Variants in SLIT1 observed in about 807,000 individuals in gnomAD.
The protein encoded by SLIT1 is slit guidance ligand 1.
In SLIT1, 66 loss-of-function variants were observed where a neutral mutation model predicts 186.1. That is an observed-to-expected ratio of 0.35 (90% CI 0.29 to 0.44). SLIT1 has a LOEUF of 0.44. Ranked by LOEUF, SLIT1 falls within the 20% of genes least tolerant of loss-of-function variation. The pLI, the probability that SLIT1 is intolerant of heterozygous loss-of-function variation, is 1.00. For synonymous variants in SLIT1, 761 were observed against 833.8 expected (o/e 0.91, Z 1.50); for missense variants, 1,638 against 2,037.4 (o/e 0.80, Z 3.77).
intron 4 of SLIT1, among the ~76,000 whole-genome samples, chr10:97,122,151 A>G (rs950756787): frequency 1.3e-5 from 2 of 152,176 alleles, no homozygotes; most frequent in African/African-American, 4.8e-5. Flanking sequence ...GGAGGCTGCT[A>G]CAGAGATAAG....
intron 4 of SLIT1, among the ~76,000 whole-genome samples, chr10:97,131,966 A>G (rs576136561): frequency 6.6e-6 from 1 of 152,104 alleles, no homozygotes; most frequent in South Asian, 2.1e-4. Context: ...CCCCAAGTCC[A>G]CTCCTTTAAC....
chr10:97,140,816 C>T (rs1047429803), intron 4 of SLIT1, among the ~76,000 whole-genome samples: 6 of 152,112 alleles, frequency 3.9e-5, no homozygotes, highest in South Asian at 2.1e-4. Context: ...ACTTCCAAAG[C>T]GATTTGTCGA....
chr10:97,165,276 G>C (rs189407329), intron 1 of SLIT1, among the ~76,000 whole-genome samples: 1 of 152,166 alleles, frequency 6.6e-6, no homozygotes, highest in Non-Finnish European at 1.5e-5. Context: ...TATAAAATGC[G>C]GACAACTGTG....
rs1466137612 is a variant in SLIT1 at position 97,063,511 on chromosome 10, G to A, written c.737C>T (p.Ala246Val). The A allele has an allele frequency of 6.2e-7, 1 of 1,613,136 alleles. No homozygotes were observed. The highest frequency in any genetic ancestry group is 1.9e-4 in the Middle Eastern group (1 of 5,398). ...IGLFTQCSGP[A>V]SLRGLNVAEV... ...TGCCACATTGAGGCCACGCAGGCTG[G>A]CTGGGCCCGAGCACTGGGTGAAGAG... Residue 246 changes from alanine to valine, a missense_variant, in exon 8 of 37, where the codon GCC becomes GTC. Coordinates refer to ENST00000266058, the MANE Select transcript of SLIT1 (RefSeq NM_003061.3).
intron 14 of SLIT1, 30 bp downstream of exon 14, chr10:97,048,925 A>G: frequency 6.3e-7 from 1 of 1,596,198 alleles, no homozygotes. Flanking sequence ...GTAGGTGGAC[A>G]GGTGGGCAGG....
chr10:97,166,663 AAG>A (rs756443817), intron 1 of SLIT1, among the ~76,000 whole-genome samples: 3,168 of 150,520 alleles, frequency 0.021, 66 homozygotes, highest in Non-Finnish European at 0.029. Context: ...AAGAAAAGAA[AAG>A]AGAAAAGAAA....
In SLIT1 at chr10:97,056,908, C is replaced by A. The variant is rs144166025; in HGVS notation, c.1157+302G>T. On this transcript the variant is annotated intron_variant, in intron 12 of 36. Transcript: ENST00000266058. Reference sequence around the variant, plus strand: ...AAGGAGGCCGAGCTGGCCTGGGTGTCCCCCCTGCAGGAGAAAGCTCTGTCC... The same window carrying A: ...AAGGAGGCCGAGCTGGCCTGGGTGTACCCCCTGCAGGAGAAAGCTCTGTCC... Among the ~76,000 whole-genome samples the A allele has an allele frequency of 2.8e-3, 419 of 152,286 alleles. 9 individuals carry two copies. The East Asian group carries it at 0.031, about 11-fold the overall frequency.
chr10:97,024,205 T>C (rs1375911417), intron 25 of SLIT1, among the ~76,000 whole-genome samples: 1 of 152,174 alleles, frequency 6.6e-6, no homozygotes, highest in East Asian at 1.9e-4. Flanking sequence ...CCTTGAGACC[T>C]GTACAACCTG....
intron 1 of SLIT1, among the ~76,000 whole-genome samples, chr10:97,174,844 C>T (rs1850236084): frequency 6.6e-6 from 1 of 152,028 alleles, no homozygotes; most frequent in South Asian, 2.1e-4. Flanking sequence ...ACCCCAGGAC[C>T]CAGCTCTTTT....
At chr10:97,029,034 T>A (rs932231680) in intron 25 of SLIT1, among the ~76,000 whole-genome samples, 1 of 152,174 alleles carries the variant, frequency 6.6e-6, no homozygotes, top group Non-Finnish European at 1.5e-5. Context: ...TCAAGACAGT[T>A]CCTGCCAATC....
At chr10:97,075,869 C>T (rs1249560318) in intron 4 of SLIT1, among the ~76,000 whole-genome samples, 1 of 152,200 alleles carries the variant, frequency 6.6e-6, no homozygotes, top group African/African-American at 2.4e-5. Flanking sequence ...GGAGCCAAAG[C>T]AAACCAGATT....
At chr10:97,070,052 G>A (rs765134400) in intron 4 of SLIT1, among the ~76,000 whole-genome samples, 16 of 152,158 alleles carry the variant, frequency 1.1e-4, no homozygotes, top group Admixed American at 2.0e-4. Flanking sequence ...GAGGCCTCTC[G>A]CCAACAGCAG....
chr10:97,093,073 C>T (rs1470410442), intron 4 of SLIT1, among the ~76,000 whole-genome samples: 1 of 152,206 alleles, frequency 6.6e-6, no homozygotes, highest in Non-Finnish European at 1.5e-5. Flanking sequence ...ACTGCCCTCC[C>T]TGGATTCACT....
At chr10:97,020,600 A>G (rs533685555) in intron 26 of SLIT1, among the ~76,000 whole-genome samples, 161 of 152,250 alleles carry the variant, frequency 1.1e-3, no homozygotes, top group African/African-American at 3.7e-3. Flanking sequence ...TTCATTTCCA[A>G]CAGTGGCCTC....
chr10:97,153,594 T>A (rs898577837), intron 4 of SLIT1: 2 of 152,172 alleles, frequency 1.3e-5, no homozygotes, highest in Non-Finnish European at 2.9e-5. Flanking sequence ...GGCACCATAG[T>A]GTTGCTGCAC....
At chr10:97,062,314 G>A (rs1275575222) in intron 8 of SLIT1, among the ~76,000 whole-genome samples, 1 of 152,206 alleles carries the variant, frequency 6.6e-6, no homozygotes, top group Non-Finnish European at 1.5e-5. Flanking sequence ...TGGAGGAGGT[G>A]ACAGCCACAG....
At chr10:97,070,307 C>T (rs1848990959) in intron 4 of SLIT1, among the ~76,000 whole-genome samples, 1 of 152,180 alleles carries the variant, frequency 6.6e-6, no homozygotes, top group Non-Finnish European at 1.5e-5. Context: ...GAGGCATGAC[C>T]CTAAGGAAGG....
At chr10:97,020,730 C>A (rs944913160) in intron 26 of SLIT1, among the ~76,000 whole-genome samples, 2 of 152,292 alleles carry the variant, frequency 1.3e-5, no homozygotes, top group African/African-American at 4.8e-5. Context: ...CTCAGCAGGG[C>A]TTCTGGGGCT....
chr10:97,011,292 A>G (rs555087173), intron 30 of SLIT1, among the ~76,000 whole-genome samples, 162 bp from the exon 31 acceptor site: 1 of 152,198 alleles, frequency 6.6e-6, no homozygotes, highest in African/African-American at 2.4e-5. Flanking sequence ...AGAGCTCTGG[A>G]TCTAAAAGGG....
Sources: allele counts gnomAD v4.1 joint callset (sites outside exome capture counted in the v4.1 genomes callset), GRCh38; gene constraint gnomAD v4.1.1; transcripts MANE v1.5; gene names NCBI Gene and HGNC (gene_info 2026-07-23, HGNC 2026-07-21).